The following VPS13B variants were observed in gnomAD, a reference collection of about 807,000 sequenced individuals.
VPS13B encodes the protein intermembrane lipid transfer protein VPS13B.
VPS13B carries 285 observed loss-of-function variants against 426.4 expected under a neutral mutation model. The observed-to-expected ratio is 0.67, with a 90% confidence interval of 0.61 to 0.74. The LOEUF (loss-of-function observed/expected upper bound fraction) is 0.74. Ranked by LOEUF, VPS13B falls within the 30% of genes least tolerant of loss-of-function variation. The pLI, the probability that VPS13B is intolerant of heterozygous loss-of-function variation, is 0.00. For missense variants in VPS13B, 4,537 were observed against 4,782.6 expected, an observed-to-expected ratio of 0.95 and a Z score of 1.51; for synonymous variants, 1,676 against 1,676.4, an observed-to-expected ratio of 1.00 and a Z score of 0.01.
chr8:99,284,840 C>T (rs552320488), intron 19 of VPS13B, among the ~76,000 whole-genome samples: 18 of 152,218 alleles, frequency 1.2e-4, no homozygotes, highest in Admixed American at 3.3e-4. Flanking sequence ...GGCTTATAGG[C>T]GTGAGCCACA....
chr8:99,290,621 TTGTACACA>T (rs1819676989), intron 19 of VPS13B, among the ~76,000 whole-genome samples: 3 of 151,718 alleles, frequency 2.0e-5, no homozygotes, highest in Admixed American at 6.6e-5. Flanking sequence ...AACCTGCACG[TTGTACACA>T]TGTACCCTAG....
intron 31 of VPS13B, among the ~76,000 whole-genome samples, chr8:99,558,473 A>G (rs1032949109): frequency 6.3e-4 from 96 of 152,144 alleles, no homozygotes; most frequent in Admixed American, 3.4e-3. Flanking sequence ...GGTTTCTTAC[A>G]TATGAATACA....
chr8:99,310,475 A>T (rs955157028), intron 19 of VPS13B, among the ~76,000 whole-genome samples: 1 of 152,118 alleles, frequency 6.6e-6, no homozygotes, highest in African/African-American at 2.4e-5. Flanking sequence ...TTCTGTTTAT[A>T]TACTGGATTA....
chr8:99,341,765 GGT>G, intron 19 of VPS13B: 1 of 392,590 alleles, frequency 2.5e-6, no homozygotes, highest in Admixed American at 2.6e-5. Context: ...CAGCAATCTG[GGT>G]CAAACCCCCA....
intron 55 of VPS13B, among the ~76,000 whole-genome samples, chr8:99,849,741 A>C (rs986474967): frequency 8.5e-5 from 13 of 152,176 alleles, no homozygotes; most frequent in Admixed American, 3.3e-4. Context: ...CAAAGTAAAA[A>C]TGCCCATCCA....
intron 43 of VPS13B, among the ~76,000 whole-genome samples, chr8:99,793,889 C>T (rs1812682146): frequency 6.6e-6 from 1 of 152,224 alleles, no homozygotes; most frequent in Non-Finnish European, 1.5e-5. Flanking sequence ...CTTGGCACTT[C>T]AACTTCCTCT....
At chr8:99,200,183 A>T (rs914924584) in intron 17 of VPS13B, among the ~76,000 whole-genome samples, 3 of 152,180 alleles carry the variant, frequency 2.0e-5, no homozygotes, top group Admixed American at 1.3e-4. Context: ...GCATTTTTCC[A>T]CTTAGCATAC....
chr8:99,020,402 T>G (rs1344514235), intron 2 of VPS13B, among the ~76,000 whole-genome samples: 1 of 152,222 alleles, frequency 6.6e-6, no homozygotes, highest in Non-Finnish European at 1.5e-5. Context: ...AGCAGATACA[T>G]GATTTGCAGA....
chr8:99,871,723 A>C (rs779096419), intron 61 of VPS13B, 26 bp downstream of exon 61: 1 of 1,612,354 alleles, frequency 6.2e-7, no homozygotes, highest in Non-Finnish European at 8.5e-7. Context: ...CAGGGCAACC[A>C]AGACTAGCTG....
rs1048181991 is a variant in VPS13B at position 99,575,581 on chromosome 8, A to G, written c.4950-77A>G. On this transcript the variant is annotated intron_variant, in intron 31 of 61. Transcript: ENST00000357162. Reference sequence around the variant, plus strand: ...ATTTTGCCATACATGTTTGTAGTACAAAGACTTGTACAAATTTAATGAAAA... The same window carrying G: ...ATTTTGCCATACATGTTTGTAGTACGAAGACTTGTACAAATTTAATGAAAA... 2.2e-4 allele frequency: 350 copies of G among 1,588,214 alleles called. 3 individuals are homozygous for G. The highest frequency in any genetic ancestry group is 6.7e-5 in the Admixed American group (4 of 59,348).
intron 24 of VPS13B, among the ~76,000 whole-genome samples, chr8:99,478,872 T>C (rs1385755297): frequency 3.3e-5 from 5 of 151,962 alleles, no homozygotes; most frequent in Non-Finnish European, 7.4e-5. Flanking sequence ...TGAGTTTTAA[T>C]GATTAGTAAC....
chr8:99,518,765 T>C (rs912102945), intron 29 of VPS13B, among the ~76,000 whole-genome samples: 1 of 152,224 alleles, frequency 6.6e-6, no homozygotes, highest in Non-Finnish European at 1.5e-5. Flanking sequence ...CTGAATATAC[T>C]GAAAACAATA....
At chr8:99,213,384 T>C (rs1389453946) in intron 17 of VPS13B, among the ~76,000 whole-genome samples, 1 of 152,164 alleles carries the variant, frequency 6.6e-6, no homozygotes, top group Admixed American at 6.5e-5. Context: ...TGTCAAAAAT[T>C]ATAGATAGTC....
chr8:99,620,602 T>C (rs907996873), intron 33 of VPS13B, among the ~76,000 whole-genome samples: 11 of 152,012 alleles, frequency 7.2e-5, no homozygotes, highest in African/African-American at 2.2e-4. Flanking sequence ...TAAAATACTT[T>C]CCCAACCTCA....
chr8:99,147,818 A>AT (rs775575622), intron 13 of VPS13B, 23 bp from the exon 14 acceptor site: 2 of 1,385,770 alleles, frequency 1.4e-6, no homozygotes, highest in East Asian at 2.7e-5. Flanking sequence ...TTCTTTATTA[A>AT]TTTTTTATCA....
intron 33 of VPS13B, among the ~76,000 whole-genome samples, chr8:99,599,898 G>A (rs555619362): frequency 6.6e-6 from 1 of 152,208 alleles, no homozygotes; most frequent in South Asian, 2.1e-4. Flanking sequence ...ATTTAGTAGT[G>A]TACCTTTGAG....
chr8:99,712,907 TG>T (rs913358759), intron 36 of VPS13B, among the ~76,000 whole-genome samples: 4 of 151,988 alleles, frequency 2.6e-5, no homozygotes, highest in African/African-American at 7.2e-5. Flanking sequence ...TGTATAACGT[TG>T]GGGGGGTTAA....
At chr8:99,037,367 G>C (rs1208915965) in intron 2 of VPS13B, among the ~76,000 whole-genome samples, 1 of 151,924 alleles carries the variant, frequency 6.6e-6, no homozygotes, top group Non-Finnish European at 1.5e-5. Context: ...TGTGAGGAAG[G>C]TAGTATTCTA....
chr8:99,323,951 C>T (rs1332459830), intron 19 of VPS13B, among the ~76,000 whole-genome samples: 6 of 152,106 alleles, frequency 3.9e-5, no homozygotes, highest in Admixed American at 1.3e-4. Flanking sequence ...TTTGTGGTTT[C>T]GCCTCATAAA....
Sources: allele counts gnomAD v4.1 joint callset (sites outside exome capture counted in the v4.1 genomes callset), GRCh38; gene constraint gnomAD v4.1.1; transcripts MANE v1.5; gene names NCBI Gene and HGNC (gene_info 2026-07-23, HGNC 2026-07-21).